Variants in SSBP3 observed in about 807,000 individuals in gnomAD.
SSBP3 encodes single stranded DNA binding protein 3.
In SSBP3, 5 loss-of-function variants were observed where a neutral mutation model predicts 69.6. That is an observed-to-expected ratio of 0.07 (90% CI 0.04 to 0.15). SSBP3 has a LOEUF of 0.15. SSBP3 is among the 10% of genes least tolerant of loss of function. The pLI, the probability that SSBP3 is intolerant of heterozygous loss-of-function variation, is 1.00. For synonymous variants in SSBP3, 196 were observed against 193.4 expected (o/e 1.01, Z -0.11); for missense variants, 312 against 534.0 (o/e 0.58, Z 4.10).
At chr1:54,372,142 C>T (rs1422180042) in intron 4 of SSBP3, among the ~76,000 whole-genome samples, 1 of 152,214 alleles carries the variant, frequency 6.6e-6, no homozygotes, top group Non-Finnish European at 1.5e-5. Context: ...CAGACTGAGT[C>T]CCACATGCCG....
At chr1:54,275,162 C>T (rs1645261407) in intron 5 of SSBP3, among the ~76,000 whole-genome samples, 1 of 152,204 alleles carries the variant, frequency 6.6e-6, no homozygotes, top group African/African-American at 2.4e-5. Flanking sequence ...GGTCCCTGCC[C>T]TTACACACCA....
chr1:54,315,858 C>T (rs1032738969), intron 4 of SSBP3, among the ~76,000 whole-genome samples: 1 of 151,960 alleles, frequency 6.6e-6, no homozygotes, highest in South Asian at 2.1e-4. Flanking sequence ...GACAGGGTCG[C>T]GCCATATTGC....
intron 4 of SSBP3, among the ~76,000 whole-genome samples, chr1:54,336,782 G>C (rs1369523519): frequency 6.6e-6 from 1 of 152,048 alleles, no homozygotes; most frequent in Non-Finnish European, 1.5e-5. Flanking sequence ...AGGATGCTGG[G>C]GACACTCGAG....
At chr1:54,381,180 G>C (rs1647605460) in intron 4 of SSBP3, among the ~76,000 whole-genome samples, 2 of 152,000 alleles carry the variant, frequency 1.3e-5, no homozygotes, top group South Asian at 2.1e-4. Context: ...GTCAGGTGAG[G>C]AAGACCATCC....
intron 5 of SSBP3, among the ~76,000 whole-genome samples, chr1:54,279,047 G>A (rs1645342764): frequency 6.6e-6 from 1 of 152,198 alleles, no homozygotes; most frequent in Admixed American, 6.5e-5. Flanking sequence ...ATCAGGCCAG[G>A]TACCTGGCCT....
At chr1:54,324,956 G>A (rs1646274641) in intron 4 of SSBP3, among the ~76,000 whole-genome samples, 1 of 152,182 alleles carries the variant, frequency 6.6e-6, no homozygotes, top group Non-Finnish European at 1.5e-5. Context: ...GCAGAAAGCC[G>A]CTCTGCTCTA....
intron 4 of SSBP3, among the ~76,000 whole-genome samples, chr1:54,337,774 C>T (rs1477079584): frequency 6.6e-6 from 1 of 151,882 alleles, no homozygotes; most frequent in Non-Finnish European, 1.5e-5. Context: ...GGATGATAGG[C>T]GTGGGCCACC....
intron 4 of SSBP3, among the ~76,000 whole-genome samples, chr1:54,301,085 C>A (rs1456717566): frequency 2.0e-5 from 3 of 152,290 alleles, no homozygotes; most frequent in East Asian, 1.9e-4. Flanking sequence ...AACAACCCTG[C>A]AGGACAGGAA....
chr1:54,232,750 G>A (rs904422227), intron 14 of SSBP3, among the ~76,000 whole-genome samples: 17 of 152,232 alleles, frequency 1.1e-4, no homozygotes, highest in South Asian at 6.2e-4. Flanking sequence ...GCGCCGCCAC[G>A]CCTGACTGGT....
At chr1:54,381,451 T>C (rs891646156) in intron 4 of SSBP3, among the ~76,000 whole-genome samples, 3 of 151,798 alleles carry the variant, frequency 2.0e-5, no homozygotes, top group Admixed American at 1.3e-4. Flanking sequence ...TTTTAGTTTA[T>C]GTCCTTGTAG....
chr1:54,279,710 C>T (rs1338809084), intron 5 of SSBP3, among the ~76,000 whole-genome samples: 2 of 152,196 alleles, frequency 1.3e-5, no homozygotes, highest in African/African-American at 4.8e-5. Context: ...GGGAAAGGCC[C>T]GCTGATGGGT....
intron 4 of SSBP3, chr1:54,285,424 CTG>C (rs1400941667): frequency 6.6e-6 from 1 of 152,118 alleles, no homozygotes; most frequent in African/African-American, 2.4e-5. Context: ...TCTCCTGTCT[CTG>C]AGACCCAGCA....
rs777871964 is a variant in SSBP3, at chr1:54,289,020, C to CAAAAAA, written c.277-7499_277-7494dup. On this transcript the variant is annotated intron_variant, in intron 4 of 17. Transcript: ENST00000610401. ...GGGCGACAGAGCTAGACTCTGTCTC[C>CAAAAAA]AAAAAAAAAAAAAAAACAAAAAAAC... Among the ~76,000 whole-genome samples, 18 of 43,896 alleles carry CAAAAAA rather than the reference C, an allele frequency of 4.1e-4. 2 individuals are homozygous for CAAAAAA. Among genetic ancestry groups the CAAAAAA allele is most frequent in the South Asian group, 2.6e-3 (2 of 756 alleles). 28.8% of individuals were successfully genotyped at this position (43,896 alleles called of 152,430 possible).
intron 4 of SSBP3, among the ~76,000 whole-genome samples, chr1:54,386,760 C>G (rs1033598203): frequency 2.1e-5 from 3 of 139,840 alleles, no homozygotes; most frequent in African/African-American, 8.4e-5. Context: ...ACTGCAGCCT[C>G]CAACTCCTGG....
intron 9 of SSBP3, among the ~76,000 whole-genome samples, chr1:54,250,855 G>A (rs951214667): frequency 1.3e-5 from 2 of 152,224 alleles, no homozygotes; most frequent in African/African-American, 4.8e-5. Context: ...CAGAACACCT[G>A]TCAGCGCCAA....
intron 4 of SSBP3, among the ~76,000 whole-genome samples, chr1:54,338,668 G>A (rs181584371): frequency 4.3e-4 from 66 of 152,330 alleles, no homozygotes; most frequent in African/African-American, 1.3e-3. Context: ...CTTCCCAGCC[G>A]AGGCTAAACA....
intron 6 of SSBP3, 82 bp downstream of exon 6, chr1:54,257,987 G>T: frequency 7.3e-7 from 1 of 1,375,894 alleles, no homozygotes; most frequent in South Asian, 1.3e-5. Context: ...AGCACATTTT[G>T]ATTTTTGTTT....
intron 4 of SSBP3, among the ~76,000 whole-genome samples, chr1:54,348,594 G>A (rs963999494): frequency 2.0e-5 from 3 of 152,172 alleles, no homozygotes; most frequent in Non-Finnish European, 2.9e-5. Flanking sequence ...TTCCAATACC[G>A]GGGACTTGCT....
intron 16 of SSBP3, 27 bp from the exon 17 acceptor site, chr1:54,228,383 A>C: frequency 6.2e-7 from 1 of 1,614,082 alleles, no homozygotes; most frequent in African/African-American, 1.3e-5. Context: ...GGAGGTGAGC[A>C]CCTGTGTCCC....
Sources: gnomAD v4.1 joint callset for allele counts (sites outside exome capture counted in the v4.1 genomes callset) on GRCh38, gnomAD v4.1.1 for gene constraint, MANE v1.5 for transcripts, NCBI Gene and HGNC (gene_info 2026-07-23, HGNC 2026-07-21) for gene names.